The following EPHB2 variants were observed in gnomAD, a reference collection of about 807,000 sequenced individuals.
EPHB2 encodes ephrin type-B receptor 2.
In EPHB2, 18 loss-of-function variants were observed where a neutral mutation model predicts 96.4. The observed-to-expected ratio is 0.19, with a 90% CI of 0.13 to 0.28. The LOEUF (loss-of-function observed/expected upper bound fraction) is 0.28. EPHB2 is among the 10% of genes least tolerant of loss of function. The probability of loss-of-function intolerance (pLI) is 1.00; values close to 1 mark genes in which losing one functional copy is unlikely to be tolerated. For synonymous variants in EPHB2, 506 were observed against 534.1 expected (o/e 0.95, Z 0.72); for missense variants, 989 against 1,355.4 (o/e 0.73, Z 4.25).
intron 1 of EPHB2, among the ~76,000 whole-genome samples, chr1:22,776,451 GT>G (rs1644454670): frequency 6.6e-6 from 1 of 152,222 alleles, no homozygotes; most frequent in South Asian, 2.1e-4. Flanking sequence ...TCTGTGTACA[GT>G]GACAACAGCT....
chr1:22,837,841 G>T (rs991785131), intron 3 of EPHB2, among the ~76,000 whole-genome samples: 1 of 152,138 alleles, frequency 6.6e-6, no homozygotes, highest in African/African-American at 2.4e-5. Flanking sequence ...CCCAGGCTGG[G>T]GTCACCAGGA....
chr1:22,874,488 G>A (rs970493373), intron 5 of EPHB2, among the ~76,000 whole-genome samples: 13 of 152,198 alleles, frequency 8.5e-5, no homozygotes, highest in African/African-American at 3.1e-4. Flanking sequence ...CCACTCATAG[G>A]CTACTTATGG....
At chr1:22,829,457 G>A (rs1645271504) in intron 3 of EPHB2, among the ~76,000 whole-genome samples, 1 of 152,240 alleles carries the variant, frequency 6.6e-6, no homozygotes, top group African/African-American at 2.4e-5. Flanking sequence ...CAGGGTGTAA[G>A]ACCATGGGTG....
intron 1 of EPHB2, 39 bp from the exon 2 acceptor site, chr1:22,781,382 T>C (rs1311205495): frequency 1.3e-6 from 2 of 1,594,652 alleles, no homozygotes; most frequent in African/African-American, 2.7e-5. Context: ...CAGCGCCTGG[T>C]AGGTGGGGCG....
intron 1 of EPHB2, among the ~76,000 whole-genome samples, chr1:22,746,187 G>C (rs1289056627): frequency 6.6e-6 from 1 of 152,194 alleles, no homozygotes; most frequent in Non-Finnish European, 1.5e-5. Flanking sequence ...AGATCAGACA[G>C]TCATCAAAGA....
At chr1:22,873,324 C>G (rs1021101390) in intron 5 of EPHB2, among the ~76,000 whole-genome samples, 1 of 152,194 alleles carries the variant, frequency 6.6e-6, no homozygotes, top group Non-Finnish European at 1.5e-5. Context: ...GAGGGGACAA[C>G]TGGAGCAACA....
chr1:22,816,620 C>A (rs1645078682), intron 3 of EPHB2, among the ~76,000 whole-genome samples: 1 of 152,186 alleles, frequency 6.6e-6, no homozygotes, highest in African/African-American at 2.4e-5. Flanking sequence ...CCAGCCTCCA[C>A]CCTGTCTCAC....
intron 1 of EPHB2, among the ~76,000 whole-genome samples, chr1:22,742,099 G>A (rs1358559695): frequency 6.6e-6 from 1 of 152,138 alleles, no homozygotes; most frequent in African/African-American, 2.4e-5. Flanking sequence ...CAGGGTCCAA[G>A]CCAGCATCCG....
chr1:22,741,513 T>C (rs1057374522), intron 1 of EPHB2, among the ~76,000 whole-genome samples: 1 of 151,970 alleles, frequency 6.6e-6, no homozygotes, highest in African/African-American at 2.4e-5. Context: ...GCTCACTGCC[T>C]GATGCATAGA....
At chr1:22,721,723 C>G (rs1643470554) in intron 1 of EPHB2, among the ~76,000 whole-genome samples, 1 of 152,024 alleles carries the variant, frequency 6.6e-6, no homozygotes, top group Non-Finnish European at 1.5e-5. Context: ...TCAAGCAATT[C>G]TCTCACCTCA....
rs370702549 is a variant in EPHB2, at chr1:22,895,479, C to T, written c.1599C>T (p.Tyr533=). 7 of 1,614,124 alleles carry T rather than the reference C, an allele frequency of 4.3e-6. No individual in the cohort carries two copies. Among genetic ancestry groups the T allele is most frequent in the Non-Finnish European group, 5.1e-6 (6 of 1,180,038 alleles). The change falls in exon 8 of 16, where the codon TAC becomes TAT. Residue 533 remains tyrosine, a synonymous_variant. Transcript: ENST00000374630. ...MYFQTMTEAE[Y]QTSIQEKLPL... Reference sequence around the variant, plus strand: ...ACCATGCTTTCTCCCCAGCCGAGTACCAGACAAGCATCCAGGAGAAGTTGC... The same window carrying T: ...ACCATGCTTTCTCCCCAGCCGAGTATCAGACAAGCATCCAGGAGAAGTTGC...
At chr1:22,727,212 G>A (rs1031194106) in intron 1 of EPHB2, among the ~76,000 whole-genome samples, 3 of 152,236 alleles carry the variant, frequency 2.0e-5, no homozygotes, top group African/African-American at 7.2e-5. Flanking sequence ...GGCTATATGG[G>A]CCTAGCCTCC....
chr1:22,730,160 G>T (rs1643674967), intron 1 of EPHB2, among the ~76,000 whole-genome samples: 1 of 152,258 alleles, frequency 6.6e-6, no homozygotes, highest in African/African-American at 2.4e-5. Context: ...CCCCCTGGGA[G>T]GAAGGTCCCA....
At chr1:22,754,272 C>G (rs1016937587) in intron 1 of EPHB2, among the ~76,000 whole-genome samples, 2 of 152,220 alleles carry the variant, frequency 1.3e-5, no homozygotes, top group Non-Finnish European at 2.9e-5. Flanking sequence ...GTCTCAATTT[C>G]TACCATCTCA....
chr1:22,910,471 G>A lies in EPHB2; in HGVS notation c.2592G>A (p.Gln864=). The A allele has an allele frequency of 6.2e-7, 1 of 1,613,726 alleles. No individual in the cohort carries two copies. Among genetic ancestry groups the A allele is most frequent in the Non-Finnish European group, 8.5e-7 (1 of 1,180,006 alleles). ...ACCAACTCATGCTGGACTGTTGGCA[G>A]AAGGACCGCAACCACCGGCCCAAGT... is the stretch of plus-strand genomic sequence containing the variant. ...ALHQLMLDCW[Q]KDRNHRPKFG... is the part of the protein sequence containing the mutation. Residue 864 remains glutamine, a synonymous_variant, in exon 14 of 16, where the codon CAG becomes CAA. Transcript: ENST00000374630.
At chr1:22,746,518 G>T (rs931062485) in intron 1 of EPHB2, among the ~76,000 whole-genome samples, 1 of 152,244 alleles carries the variant, frequency 6.6e-6, no homozygotes, top group Admixed American at 6.5e-5. Flanking sequence ...GCCCCACCCT[G>T]TGTGTCTTCA....
intron 3 of EPHB2, among the ~76,000 whole-genome samples, chr1:22,837,050 A>AG (rs1183634305): frequency 1.3e-5 from 2 of 152,020 alleles, no homozygotes; most frequent in Non-Finnish European, 2.9e-5. Context: ...ACGGCGGGGG[A>AG]GGGGGGCCTG....
At chr1:22,902,291 T>C (rs1021932062) in intron 9 of EPHB2, among the ~76,000 whole-genome samples, 2 of 152,252 alleles carry the variant, frequency 1.3e-5, no homozygotes, top group African/African-American at 4.8e-5. Flanking sequence ...GTTAGGAGGA[T>C]TAATTGGATT....
intron 3 of EPHB2, among the ~76,000 whole-genome samples, chr1:22,791,622 T>G (rs1401248902): frequency 1.3e-5 from 2 of 152,044 alleles, no homozygotes; most frequent in African/African-American, 4.8e-5. Flanking sequence ...AGGAGGAGAA[T>G]TTTTGATAAT....
Sources: gnomAD v4.1 joint callset for allele counts (sites outside exome capture counted in the v4.1 genomes callset) on GRCh38, gnomAD v4.1.1 for gene constraint, MANE v1.5 for transcripts, NCBI Gene and HGNC (gene_info 2026-07-23, HGNC 2026-07-21) for gene names.